The following GNAI3 variants were observed in gnomAD, a reference collection of about 807,000 sequenced individuals.
GNAI3 encodes the protein G protein subunit alpha i3.
GNAI3 carries 12 observed loss-of-function variants against 41.8 expected under a neutral mutation model. The observed-to-expected ratio is 0.29, with a 90% CI of 0.18 to 0.47. The LOEUF is 0.47. Among genes scored for constraint, GNAI3 ranks in the 20% least tolerant of loss-of-function variants. The pLI, the probability that GNAI3 is intolerant of heterozygous loss-of-function variation, is 1.00. For missense variants in GNAI3, 360 were observed against 429.6 expected, an observed-to-expected ratio of 0.84 and a Z score of 1.43; for synonymous variants, 132 against 146.5, an observed-to-expected ratio of 0.90 and a Z score of 0.71.
intron 7 of GNAI3, chr1:109,591,549 T>G: frequency 1.4e-6 from 1 of 717,188 alleles, no homozygotes; most frequent in East Asian, 2.7e-5. Flanking sequence ...TATGGAACGC[T>G]TCACGAATTT....
intron 4 of GNAI3, among the ~76,000 whole-genome samples, chr1:109,580,526 A>G (rs1648865627): frequency 6.6e-6 from 1 of 152,222 alleles, no homozygotes; most frequent in Non-Finnish European, 1.5e-5. Context: ...AAAATGCATC[A>G]TTAGGTGATT....
chr1:109,571,999 A>C lies in GNAI3; in HGVS notation c.119-1738A>C, dbSNP rs190680953. ...AGGGCCAAGGAGGGACCCCTGAAGC[A>C]ATATAACCTTTAGAATTCAGAAACT... is the stretch of plus-strand genomic sequence containing the variant. On this transcript the variant is annotated intron_variant, in intron 1 of 8. Coordinates refer to ENST00000369851, the MANE Select transcript of GNAI3 (RefSeq NM_006496.4). Among the ~76,000 whole-genome samples, 326 of 152,258 alleles carry C rather than the reference A, an allele frequency of 2.1e-3. 1 individual carries two copies. Among genetic ancestry groups the C allele is most frequent in the Non-Finnish European group, 4.5e-3 (303 of 68,008 alleles).
chr1:109,595,921 CTTTTCATGTGTAATACTGATTT>C lies in GNAI3; in HGVS notation c.*3601_*3622del, dbSNP rs1042957786. ...AGCGTTAGTACTTGTGGGTTCTTTC[CTTTTCATGTGTAATACTGATTT>C]TAAGAGCAATGATCTTAGTTTGCCA... is the stretch of plus-strand genomic sequence containing the variant. On this transcript the variant is annotated 3_prime_UTR_variant, in exon 9 of 9. Transcript: ENST00000369851. 5.9e-5 allele frequency: 9 copies of C among 151,694 alleles called. No individual in the cohort carries two copies. Among genetic ancestry groups the C allele is most frequent in the African/African-American group, 2.2e-4 (9 of 41,356 alleles). 9.4% of individuals were successfully genotyped at this position (151,694 alleles called of 1,614,324 possible).
At chr1:109,563,869 A>G (rs1350241272) in intron 1 of GNAI3, among the ~76,000 whole-genome samples, 1 of 24,890 alleles carries the variant, frequency 4.0e-5, no homozygotes, top group Non-Finnish European at 5.9e-5. Flanking sequence ...GATAAATGGT[A>G]ATGTTTAATT....
At chr1:109,568,836 A>G (rs555083302) in intron 1 of GNAI3, among the ~76,000 whole-genome samples, 23 of 149,544 alleles carry the variant, frequency 1.5e-4, no homozygotes, top group African/African-American at 5.6e-4. Flanking sequence ...AGGCCCAGCT[A>G]ATTTTTTGTG....
Position 109,599,719 on chromosome 1 carries a change from T to A in GNAI3, c.*7397T>A, listed in dbSNP as rs1649397176. Reference sequence around the variant, plus strand: ...TTATATTTTTGTGATTTTATGCTGTTTTCATATTCTATTTTGAGATCTATT... The same window carrying A: ...TTATATTTTTGTGATTTTATGCTGTATTCATATTCTATTTTGAGATCTATT... On this transcript the variant is annotated 3_prime_UTR_variant, in exon 9 of 9. Transcript: ENST00000369851. 6.6e-6 allele frequency: 1 copy of A among 152,210 alleles called. No homozygotes were observed. 9.4% of individuals were successfully genotyped at this position (152,210 alleles called of 1,614,324 possible).
Position 109,555,951 on chromosome 1 carries a change from AGTGC to A in GNAI3, c.118+7125_118+7128del, listed in dbSNP as rs567621395. ...CAGCATACTTTCTCCTGGGGAAAGG[AGTGC>A]GTGCGTGCGTGTGTGTGTGTGTGTG... On this transcript the variant is annotated intron_variant, in intron 1 of 8. Transcript: ENST00000369851. 8.1e-4 allele frequency among the ~76,000 whole-genome samples: 95 copies of A among 117,402 alleles called. 1 individual carries two copies. Among genetic ancestry groups the A allele is most frequent in the Non-Finnish European group, 1.3e-4 (7 of 53,096 alleles). The allele number at this position is 117,402 out of a possible 152,430, so 77.0% of individuals were successfully genotyped here. A position where few individuals can be genotyped will look rare whatever the true frequency, so the allele number is the denominator to read the frequency against.
chr1:109,582,602 C>T, intron 5 of GNAI3, 37 bp downstream of exon 5: 1 of 1,493,978 alleles, frequency 6.7e-7, no homozygotes, highest in South Asian at 1.1e-5. Context: ...GTGCCAAATA[C>T]AAGTATCTTT....
intron 5 of GNAI3, among the ~76,000 whole-genome samples, chr1:109,585,582 G>A (rs1649015909): frequency 6.6e-6 from 1 of 152,018 alleles, no homozygotes; most frequent in South Asian, 2.1e-4. Context: ...AGTTATGGAA[G>A]CAGAGTGCAA....
At chr1:109,549,253 C>T (rs188492801) in intron 1 of GNAI3, among the ~76,000 whole-genome samples, 21 of 152,216 alleles carry the variant, frequency 1.4e-4, no homozygotes, top group Non-Finnish European at 2.2e-4. Context: ...GAGTTTGGAG[C>T]GTCGTGGTTC....
Position 109,592,100 on chromosome 1 carries a change from A to G in GNAI3, c.932A>G (p.Asn311Ser), listed in dbSNP as rs746144403. 2 of 1,613,070 alleles carry G rather than the reference A, an allele frequency of 1.2e-6. No homozygotes were observed. Among genetic ancestry groups the G allele is most frequent in the South Asian group, 1.1e-5 (1 of 91,044 alleles). The change falls in exon 8 of 9, where the codon AAC (asparagine) becomes AGC (serine). Residue 311 changes from asparagine (N) to serine (S), a missense_variant. Physicochemically the swap from Asn to Ser is conservative, Grantham distance 46. Coordinates refer to ENST00000369851, the MANE Select transcript of GNAI3 (RefSeq NM_006496.4). ...AYIQCQFEDLNRRKDTKEIYT... is the reference protein window; with the variant it reads ...AYIQCQFEDLSRRKDTKEIYT... Reference sequence around the variant, plus strand: ...ATTCAATGCCAGTTTGAAGATCTGAACAGAAGAAAAGATACCAAGGAGATC... The same window carrying G: ...ATTCAATGCCAGTTTGAAGATCTGAGCAGAAGAAAAGATACCAAGGAGATC...
intron 5 of GNAI3, among the ~76,000 whole-genome samples, chr1:109,585,494 A>T (rs180944378): frequency 1.5e-3 from 231 of 152,324 alleles, no homozygotes; most frequent in African/African-American, 5.5e-3. Context: ...ATCCTACCAT[A>T]AAAATATAAT....
chr1:109,588,024 G>C (rs1413122124), intron 7 of GNAI3, among the ~76,000 whole-genome samples: 1 of 151,988 alleles, frequency 6.6e-6, no homozygotes. Flanking sequence ...TTCCTAACCA[G>C]CTTTCTCTGC....
intron 1 of GNAI3, among the ~76,000 whole-genome samples, chr1:109,563,153 C>T (rs1379766292): frequency 1.3e-5 from 2 of 152,134 alleles, no homozygotes; most frequent in Admixed American, 1.3e-4. Flanking sequence ...ATCTCAGCAC[C>T]TTGGGATCAC....
rs1649316330 is a variant in GNAI3 at position 109,596,650 on chromosome 1, A to G, written c.*4328A>G. 1 of 152,044 alleles carries G rather than the reference A, an allele frequency of 6.6e-6. No individual in the cohort carries two copies. Among genetic ancestry groups the G allele is most frequent in the African/African-American group, 2.4e-5 (1 of 41,362 alleles). The allele number at this position is 152,044 out of a possible 1,614,324, so 9.4% of individuals were successfully genotyped here. On this transcript the variant is annotated 3_prime_UTR_variant, in exon 9 of 9. Coordinates refer to ENST00000369851, the MANE Select transcript of GNAI3 (RefSeq NM_006496.4). The stretch of plus-strand genomic sequence containing the variant: ...ATTACAGATGTGAACCACTCCACCC[A>G]CTCAGGGCAGTTTTTTTTCTGATAC...
chr1:109,588,369 A>G (rs751376229), intron 7 of GNAI3, among the ~76,000 whole-genome samples: 4 of 108,316 alleles, frequency 3.7e-5, no homozygotes, highest in Non-Finnish European at 7.2e-5. Context: ...GCGACTGAGC[A>G]AAAAAAAAAA....
At chr1:109,574,258 C>T (rs1034846196) in intron 3 of GNAI3, among the ~76,000 whole-genome samples, 2 of 150,514 alleles carry the variant, frequency 1.3e-5, no homozygotes, top group African/African-American at 2.4e-5. Flanking sequence ...TGTGGGTGCA[C>T]GGTAGGTTTC....
chr1:109,549,124 A>G (rs555832563), intron 1 of GNAI3, among the ~76,000 whole-genome samples: 32 of 152,308 alleles, frequency 2.1e-4, no homozygotes, highest in African/African-American at 6.3e-4. Context: ...TTGAGGGAGT[A>G]GGAATATGGG....
chr1:109,573,600 T>C lies in GNAI3; in HGVS notation c.119-137T>C, dbSNP rs74113940. On this transcript the variant is annotated intron_variant, in intron 1 of 8. Transcript: ENST00000369851. ...TAGTGGAGAAGCTCCATACATTTTC[T>C]TGATAGACATGAAAGCCTCACCAAA... 4.6e-3 allele frequency: 3,026 copies of C among 655,786 alleles called. 76 individuals are homozygous for C. The African/African-American group carries it at 0.047, about 10-fold the overall frequency. 40.6% of individuals were successfully genotyped at this position (655,786 alleles called of 1,614,324 possible).
Sources: gnomAD v4.1 joint callset for allele counts (sites outside exome capture counted in the v4.1 genomes callset) on GRCh38, gnomAD v4.1.1 for gene constraint, MANE v1.5 for transcripts, NCBI Gene and HGNC (gene_info 2026-07-23, HGNC 2026-07-21) for gene names.